ANO1: variants seen among roughly 807,000 people sequenced by gnomAD.
ANO1 encodes the protein anoctamin-1.
In ANO1, 59 loss-of-function variants were observed where a neutral mutation model predicts 124.0. The observed-to-expected ratio is 0.48, with a 90% CI of 0.39 to 0.59. The LOEUF is 0.59. ANO1 is among the 20% of genes least tolerant of loss of function. The pLI is 0.00. For synonymous variants in ANO1, 529 were observed against 532.0 expected (o/e 0.99, Z 0.08); for missense variants, 1,059 against 1,328.0 (o/e 0.80, Z 3.15).
chr11:70,157,366 C>CAAAAA lies in ANO1; in HGVS notation c.1578+359_1578+363dup, dbSNP rs529445782. Among the ~76,000 whole-genome samples the CAAAAA allele has an allele frequency of 2.0e-4, 20 of 98,084 alleles. No homozygotes were observed. In the East Asian group the frequency reaches 2.7e-3, roughly 13 times the overall value. 64.3% of individuals were successfully genotyped at this position (98,084 alleles called of 152,430 possible). A position where few individuals can be genotyped will look rare whatever the true frequency, so the allele number is the denominator to read the frequency against. Reference sequence around the variant, plus strand: ...TGGGTGACAGAGCAAGACTCTGTCTCAAAAAAAAAAAAAAAAAAGGATGCG... The same window carrying CAAAAA: ...TGGGTGACAGAGCAAGACTCTGTCTCAAAAAAAAAAAAAAAAAAAAAAAGGATGCG... On this transcript the variant is annotated intron_variant, in intron 16 of 25. Transcript: ENST00000355303.
At chr11:69,984,332 G>A (rs1855986105), upstream of ANO1, among the ~76,000 whole-genome samples, 1 of 148,696 alleles carries the variant, frequency 6.7e-6, no homozygotes, top group Non-Finnish European at 1.5e-5. Flanking sequence ...GCCGCCCACG[G>A]AGAATAAAAT....
chr11:69,974,194 C>T, the ANO1 span, among the ~76,000 whole-genome samples: 1 of 151,888 alleles, frequency 6.6e-6, no homozygotes, highest in Non-Finnish European at 1.5e-5. Flanking sequence ...TGGTGGGCAC[C>T]TGTAATCCCA....
intron 6 of ANO1, 137 bp downstream of exon 6, chr11:70,108,541 A>G: frequency 1.0e-6 from 1 of 953,298 alleles, no homozygotes. Flanking sequence ...TAACAGTTCC[A>G]GACAAGAGGG....
chr11:70,042,893 A>G (rs1433769277), intron 1 of ANO1, among the ~76,000 whole-genome samples: 1 of 152,220 alleles, frequency 6.6e-6, no homozygotes, highest in Non-Finnish European at 1.5e-5. Flanking sequence ...AGATTCTAAC[A>G]CGAATTAAAG....
chr11:69,968,601 C>A, the ANO1 span, among the ~76,000 whole-genome samples: 1 of 152,220 alleles, frequency 6.6e-6, no homozygotes, highest in Non-Finnish European at 1.5e-5. Context: ...TTCGAGGACC[C>A]GTTTCTTCCT....
At chr11:70,025,759 T>C (rs1856887517) in intron 1 of ANO1, among the ~76,000 whole-genome samples, 1 of 149,864 alleles carries the variant, frequency 6.7e-6, no homozygotes, top group East Asian at 2.0e-4. Context: ...ATGGTGGTGG[T>C]GGTGACGATG....
the ANO1 span, among the ~76,000 whole-genome samples, chr11:69,972,034 A>G: frequency 2.0e-5 from 3 of 151,296 alleles, no homozygotes; most frequent in African/African-American, 7.3e-5. Flanking sequence ...CAGCCTGCCC[A>G]ATATGGCGAA....
At chr11:70,071,154 A>G (rs1857864212) in intron 1 of ANO1, among the ~76,000 whole-genome samples, 1 of 152,186 alleles carries the variant, frequency 6.6e-6, no homozygotes, top group South Asian at 2.1e-4. Context: ...ATGTTTTGTA[A>G]TTAAAGGCTA....
In ANO1 at chr11:70,138,752, CT is replaced by C. The variant is rs111301944; in HGVS notation, c.1258+6683del. Among the ~76,000 whole-genome samples the C allele has an allele frequency of 1.0e-3, 157 of 149,896 alleles. 1 individual carries two copies. Among genetic ancestry groups the C allele is most frequent in the African/African-American group, 3.4e-3 (141 of 40,982 alleles). ...CTGAGCCCCAAATACTTTTTCATAA[CT>C]TTTTTTTTTAGTTGCAGTTTTTTTT... On this transcript the variant is annotated intron_variant, in intron 11 of 25. Transcript: ENST00000355303.
At chr11:70,067,736 C>T (rs1294813977) in intron 1 of ANO1, among the ~76,000 whole-genome samples, 2 of 152,192 alleles carry the variant, frequency 1.3e-5, no homozygotes, top group East Asian at 3.9e-4. Flanking sequence ...CCCAGCCTTC[C>T]CGTCCCTCCA....
chr11:70,023,046 A>G (rs4980743), intron 1 of ANO1, among the ~76,000 whole-genome samples: 117,162 of 152,154 alleles, frequency 0.77, 45,439 homozygotes, highest in East Asian at 0.94. Context: ...GCAAGGAAAC[A>G]AGCTCTCCCT....
intron 9 of ANO1, 45 bp downstream of exon 9, chr11:70,124,459 T>C (rs749743248): frequency 1.3e-6 from 2 of 1,574,886 alleles, no homozygotes; most frequent in Admixed American, 1.7e-5. Context: ...CCTACTCCGA[T>C]GGCAGTCGGA....
chr11:70,183,684 G>A (rs1017473493), intron 24 of ANO1, among the ~76,000 whole-genome samples: 1 of 152,212 alleles, frequency 6.6e-6, no homozygotes, highest in Non-Finnish European at 1.5e-5. Flanking sequence ...TGCAACTTCT[G>A]CCTGGCCCAG....
In ANO1 at chr11:70,006,732, C is replaced by T. The variant is rs528967186; in HGVS notation, c.58+20566C>T. ...TGACCCAGACTGGAGTGCAGTGTTG[C>T]GATCTTGGCTCACTGCAACCTTCAC... On this transcript the variant is annotated intron_variant, in intron 1 of 27. Coordinates refer to the ANO1 transcript ENST00000531349. Among the ~76,000 whole-genome samples, 110 of 118,344 alleles carry T rather than the reference C, an allele frequency of 9.3e-4. 1 individual carries two copies. The highest frequency in any genetic ancestry group is 8.2e-3 in the Middle Eastern group (1 of 122). The allele number at this position is 118,344 out of a possible 152,430, so 77.6% of individuals were successfully genotyped here.
chr11:69,966,528 G>T, the ANO1 span, among the ~76,000 whole-genome samples: 2 of 152,330 alleles, frequency 1.3e-5, no homozygotes, highest in East Asian at 3.9e-4. Flanking sequence ...GGTGGCCCTG[G>T]CATTCGGACC....
chr11:70,020,021 C>T (rs1856771989), intron 1 of ANO1, among the ~76,000 whole-genome samples: 1 of 152,190 alleles, frequency 6.6e-6, no homozygotes, highest in Admixed American at 6.5e-5. Context: ...TCCCCCGGAC[C>T]CTCCAAGGTT....
chr11:70,187,296 C>T (rs1043866498), intron 25 of ANO1, among the ~76,000 whole-genome samples: 1 of 152,250 alleles, frequency 6.6e-6, no homozygotes, highest in Non-Finnish European at 1.5e-5. Context: ...ATGTTGCCTT[C>T]TATCCACCAG....
At chr11:70,116,981 T>C (rs2045998945) in intron 8 of ANO1, among the ~76,000 whole-genome samples, 1 of 152,182 alleles carries the variant, frequency 6.6e-6, no homozygotes, top group African/African-American at 2.4e-5. Flanking sequence ...CAATGAAGTG[T>C]TTCTCAAATT....
At chr11:70,161,502 G>A (rs2048042441) in intron 17 of ANO1, 120 bp from the exon 18 acceptor site, 2 of 1,376,260 alleles carry the variant, frequency 1.5e-6, no homozygotes, top group East Asian at 2.3e-5. Flanking sequence ...CTGAGCACAG[G>A]CCATGGTGCG....
Sources: gnomAD v4.1 joint callset for allele counts (sites outside exome capture counted in the v4.1 genomes callset) on GRCh38, gnomAD v4.1.1 for gene constraint, MANE v1.5 for transcripts, NCBI Gene and HGNC (gene_info 2026-07-23, HGNC 2026-07-21) for gene names.